AGBL1: variants seen among roughly 807,000 people sequenced by gnomAD.
The protein encoded by AGBL1 is cytosolic carboxypeptidase 4.
In AGBL1, 130 loss-of-function variants were observed where a neutral mutation model predicts 118.9. The observed-to-expected ratio is 1.09, with a 90% CI of 0.95 to 1.26. AGBL1 has a LOEUF of 1.26. AGBL1 is among the 50% of genes most tolerant of loss of function. AGBL1 has a pLI of 0.00. For synonymous variants in AGBL1, 555 were observed against 478.9 expected, an observed-to-expected ratio of 1.16 and a Z score of -2.08; for missense variants, 1,584 against 1,298.1, an observed-to-expected ratio of 1.22 and a Z score of -3.38.
chr15:86,835,537 A>G (rs1251092162), intron 22 of AGBL1, among the ~76,000 whole-genome samples: 4 of 152,172 alleles, frequency 2.6e-5, no homozygotes, highest in African/African-American at 4.8e-5. Flanking sequence ...AAAGCATTCT[A>G]TAAGAGATGT....
intron 3 of AGBL1, among the ~76,000 whole-genome samples, chr15:86,146,605 A>G (rs1420989747): frequency 2.0e-5 from 3 of 152,174 alleles, no homozygotes; most frequent in African/African-American, 4.8e-5. Context: ...GGAGAAAGAG[A>G]GAGATGAGAG....
chr15:86,392,191 C>T (rs1434459736), intron 17 of AGBL1, among the ~76,000 whole-genome samples: 4 of 151,808 alleles, frequency 2.6e-5, no homozygotes, highest in Middle Eastern at 3.5e-3. Context: ...TTCTGTGATG[C>T]ACTCTGTCGT....
intron 22 of AGBL1, among the ~76,000 whole-genome samples, chr15:86,806,656 C>T (rs2078717726): frequency 6.6e-6 from 1 of 151,986 alleles, no homozygotes; most frequent in African/African-American, 2.4e-5. Context: ...ATAATACTAT[C>T]TCAGAGGGTT....
At chr15:86,545,526 A>G (rs1041019839) in intron 19 of AGBL1, among the ~76,000 whole-genome samples, 1 of 151,680 alleles carries the variant, frequency 6.6e-6, no homozygotes, top group Non-Finnish European at 1.5e-5. Flanking sequence ...CCCATTAGTT[A>G]TTTTTCCTTA....
chr15:86,682,341 C>A (rs2085975738), intron 22 of AGBL1, among the ~76,000 whole-genome samples: 1 of 152,086 alleles, frequency 6.6e-6, no homozygotes, highest in African/African-American at 2.4e-5. Flanking sequence ...AACAAACAAA[C>A]AAAAACCTTG....
intron 24 of AGBL1, among the ~76,000 whole-genome samples, chr15:87,007,859 T>C (rs28475329): frequency 0.017 from 2,546 of 152,332 alleles, 69 homozygotes; most frequent in African/African-American, 0.057. Context: ...TAGCCTAATG[T>C]ATATGGCAAT....
chr15:87,029,924 C>G (rs919286576), downstream of AGBL1, among the ~76,000 whole-genome samples: 6 of 151,646 alleles, frequency 4.0e-5, no homozygotes, highest in Admixed American at 2.6e-4. Flanking sequence ...CTTGATGGCT[C>G]CTAGGATGTT....
intron 22 of AGBL1, among the ~76,000 whole-genome samples, chr15:86,724,760 A>G (rs1320663936): frequency 1.3e-5 from 2 of 152,072 alleles, no homozygotes; most frequent in Non-Finnish European, 2.9e-5. Flanking sequence ...TCCCTTCAGT[A>G]TAGTAAGTTC....
chr15:86,817,626 TACACACACACACACACACACAGAC>T (rs1182776490), intron 22 of AGBL1, among the ~76,000 whole-genome samples: 3 of 98,122 alleles, frequency 3.1e-5, no homozygotes, highest in Non-Finnish European at 6.4e-5. Context: ...GAGACAGGCA[TACACACACACACACACACACAGAC>T]ACACACACAC....
intron 22 of AGBL1, among the ~76,000 whole-genome samples, chr15:86,837,192 T>G (rs2079181270): frequency 6.6e-6 from 1 of 151,360 alleles, no homozygotes; most frequent in Non-Finnish European, 1.5e-5. Flanking sequence ...ACCACTTTTA[T>G]TACAGGCTGT....
At chr15:86,841,057 G>A (rs1422924486) in intron 22 of AGBL1, among the ~76,000 whole-genome samples, 1 of 152,138 alleles carries the variant, frequency 6.6e-6, no homozygotes, top group Non-Finnish European at 1.5e-5. Flanking sequence ...ACCATCAGAA[G>A]GTTCTAGGAC....
chr15:86,983,814 C>G (rs1464915010), intron 23 of AGBL1, among the ~76,000 whole-genome samples: 1 of 152,130 alleles, frequency 6.6e-6, no homozygotes, highest in Non-Finnish European at 1.5e-5. Flanking sequence ...CTTGGTGTCT[C>G]TGGCTTGTTT....
intron 22 of AGBL1, among the ~76,000 whole-genome samples, chr15:86,889,618 C>T (rs757010605): frequency 6.6e-6 from 1 of 152,246 alleles, no homozygotes; most frequent in East Asian, 1.9e-4. Context: ...CATTGTTCAG[C>T]TCCCACTTAT....
chr15:86,512,250 A>T (rs1449466487), intron 18 of AGBL1, among the ~76,000 whole-genome samples: 1 of 151,850 alleles, frequency 6.6e-6, no homozygotes, highest in Non-Finnish European at 1.5e-5. Context: ...AAATGTCCAT[A>T]TCTTTCTGCT....
intron 21 of AGBL1, among the ~76,000 whole-genome samples, chr15:86,625,378 T>TTG (rs1491004678): frequency 4.9e-5 from 2 of 40,584 alleles, no homozygotes; most frequent in African/African-American, 2.8e-4. Flanking sequence ...TTTTTTTTTT[T>TTG]GTTTTTGTTT....
intron 15 of AGBL1, among the ~76,000 whole-genome samples, chr15:86,273,050 T>C (rs897688209): frequency 1.3e-5 from 2 of 152,244 alleles, no homozygotes; most frequent in Non-Finnish European, 2.9e-5. Flanking sequence ...AAAATAGTTA[T>C]TCTCAGTAAA....
In AGBL1 at chr15:86,415,668, G is replaced by T. The variant is rs567231319; in HGVS notation, c.2555+18122G>T. 4.6e-5 allele frequency among the ~76,000 whole-genome samples: 7 copies of T among 152,122 alleles called. No homozygotes were observed. The South Asian group carries it at 8.3e-4, about 18-fold the overall frequency. On this transcript the variant is annotated intron_variant, in intron 18 of 22. Transcript: ENST00000614907. ...GTTCATTGTCAAATAAAACATCTAA[G>T]ATTTTTTAATATTAATTGTCATTAA... is the stretch of plus-strand genomic sequence containing the variant.
intron 18 of AGBL1, among the ~76,000 whole-genome samples, chr15:86,433,638 G>A (rs2081967229): frequency 6.6e-6 from 1 of 152,136 alleles, no homozygotes; most frequent in African/African-American, 2.4e-5. Flanking sequence ...ACTCTGGCAT[G>A]CACTGTGTGG....
intron 22 of AGBL1, among the ~76,000 whole-genome samples, chr15:86,744,155 A>C (rs1368126934): frequency 6.6e-6 from 1 of 152,148 alleles, no homozygotes; most frequent in Non-Finnish European, 1.5e-5. Context: ...AAACATTTCC[A>C]ATGACTAACG....
Sources: allele counts gnomAD v4.1 joint callset (sites outside exome capture counted in the v4.1 genomes callset), GRCh38; gene constraint gnomAD v4.1.1; transcripts MANE v1.5; gene names NCBI Gene and HGNC (gene_info 2026-07-23, HGNC 2026-07-21).